Variants in NRG1 observed in about 807,000 individuals in gnomAD.
NRG1 encodes neuregulin 1.
NRG1 carries 18 observed loss-of-function variants against 63.8 expected under a neutral mutation model. That is an observed-to-expected ratio of 0.28 (90% confidence interval 0.19 to 0.42). The LOEUF is 0.42. NRG1 is among the 10% of genes least tolerant of loss of function. NRG1 has a pLI of 1.00. For missense variants in NRG1, 762 were observed against 814.7 expected, an observed-to-expected ratio of 0.94 and a Z score of 0.79; for synonymous variants, 302 against 301.3, an observed-to-expected ratio of 1.00 and a Z score of -0.02.
intron 1 of NRG1, among the ~76,000 whole-genome samples, chr8:31,819,577 A>G (rs1030521200): frequency 6.6e-6 from 1 of 152,176 alleles, no homozygotes; most frequent in African/African-American, 2.4e-5. Flanking sequence ...CCCCCTACAC[A>G]GTTGTTAGGT....
At chr8:32,585,180 A>G (rs1563707386) in intron 1 of NRG1, among the ~76,000 whole-genome samples, 1 of 151,362 alleles carries the variant, frequency 6.6e-6, no homozygotes, top group East Asian at 1.9e-4. Flanking sequence ...GGAAGTGAAT[A>G]TGGCTGGTAT....
chr8:32,470,305 A>C (rs191032428), intron 1 of NRG1, among the ~76,000 whole-genome samples: 2,980 of 150,470 alleles, frequency 0.02, 36 homozygotes, highest in Middle Eastern at 0.042. Context: ...CTCAGCCTCC[A>C]GAGTAGCTGG....
At chr8:32,692,113 G>A (rs1811894993) in intron 5 of NRG1, among the ~76,000 whole-genome samples, 1 of 152,048 alleles carries the variant, frequency 6.6e-6, no homozygotes, top group Non-Finnish European at 1.5e-5. Flanking sequence ...ATAATGACTT[G>A]AAGTATTTTC....
chr8:32,590,546 A>C (rs879661003), intron 1 of NRG1, among the ~76,000 whole-genome samples: 3 of 152,172 alleles, frequency 2.0e-5, no homozygotes, highest in Non-Finnish European at 4.4e-5. Context: ...ATTTTTTTGC[A>C]CTTTTAAAAT....
intron 1 of NRG1, among the ~76,000 whole-genome samples, chr8:32,327,026 A>G (rs762991495): frequency 1.3e-5 from 2 of 152,230 alleles, no homozygotes; most frequent in Non-Finnish European, 2.9e-5. Flanking sequence ...AGTCAATGGA[A>G]TAAAATAATG....
intron 1 of NRG1, among the ~76,000 whole-genome samples, chr8:32,084,090 C>A (rs1827883256): frequency 6.6e-6 from 1 of 152,036 alleles, no homozygotes; most frequent in South Asian, 2.1e-4. Flanking sequence ...AAATTAAGAC[C>A]AATGTGAAGC....
rs1813307418 is a variant in NRG1, at chr8:31,725,231, A to G, written c.37+85800A>G. On this transcript the variant is annotated intron_variant, in intron 1 of 10. Transcript: ENST00000519301. ...CAGTTCCAAGTATAAAGGGATTAGG[A>G]TATGATGCTGATGTTGGGATTGCAT... Among the ~76,000 whole-genome samples the G allele has an allele frequency of 1.3e-5, 2 of 152,196 alleles. 1 individual carries two copies. Among genetic ancestry groups the G allele is most frequent in the South Asian group, 4.1e-4 (2 of 4,832 alleles).
At chr8:32,505,976 G>A (rs12547554) in intron 1 of NRG1, among the ~76,000 whole-genome samples, 25,908 of 152,084 alleles carry the variant, frequency 0.17, 2,584 homozygotes, top group Admixed American at 0.31. Flanking sequence ...GAGGTGAGGC[G>A]TGGTGGCTCA....
chr8:31,833,805 G>A lies in NRG1; in HGVS notation c.37+194374G>A, dbSNP rs112138700. Among the ~76,000 whole-genome samples the A allele has an allele frequency of 7.3e-3, 1,118 of 152,180 alleles. 4 individuals are homozygous for A. Among genetic ancestry groups the A allele is most frequent in the Non-Finnish European group, 0.013 (864 of 68,006 alleles). On this transcript the variant is annotated intron_variant, in intron 1 of 10. Coordinates refer to the NRG1 transcript ENST00000519301. ...ATACAATTTGTGATAAAATCATCTT[G>A]CTCATTCCATAGCAGGTATAAGTGG...
At chr8:31,645,017 A>G (rs1021439185) in intron 1 of NRG1, among the ~76,000 whole-genome samples, 3 of 152,206 alleles carry the variant, frequency 2.0e-5, no homozygotes, top group Non-Finnish European at 2.9e-5. Context: ...AACATGGCTT[A>G]GTGAAAGTCT....
intron 1 of NRG1, among the ~76,000 whole-genome samples, chr8:32,155,114 GC>G (rs1383967370): frequency 6.6e-6 from 1 of 152,012 alleles, no homozygotes; most frequent in Admixed American, 6.6e-5. Flanking sequence ...ACTGGGAGAG[GC>G]CAAATCACTA....
At chr8:32,276,047 C>T (rs1852065147) in intron 1 of NRG1, among the ~76,000 whole-genome samples, 1 of 152,134 alleles carries the variant, frequency 6.6e-6, no homozygotes, top group South Asian at 2.1e-4. Context: ...ATGTTGTGAA[C>T]ATTCAAAATC....
At chr8:32,287,501 A>T (rs1853671145) in intron 1 of NRG1, 1 of 152,222 alleles carries the variant, frequency 6.6e-6, no homozygotes, top group Non-Finnish European at 1.5e-5. Context: ...AAACTCAGTC[A>T]TCTTTCATGT....
intron 1 of NRG1, among the ~76,000 whole-genome samples, chr8:31,886,608 G>T (rs1371818232): frequency 6.6e-6 from 1 of 152,020 alleles, no homozygotes; most frequent in Non-Finnish European, 1.5e-5. Context: ...AAATAAATTA[G>T]TATCTTTTTA....
chr8:32,598,495 C>T lies in NRG1; in HGVS notation c.278+2490C>T, dbSNP rs115896881. Among the ~76,000 whole-genome samples, 1,105 of 152,212 alleles carry T rather than the reference C, an allele frequency of 7.3e-3. 17 individuals are homozygous for T. The highest frequency in any genetic ancestry group is 0.025 in the African/African-American group (1,043 of 41,558). ...TCATTAGTATTCAGAAAAGCATTTT[C>T]ATATTGGCTTCATAGGTCCAGACAG... is the stretch of plus-strand genomic sequence containing the variant. On this transcript the variant is annotated intron_variant, in intron 2 of 11. Transcript: ENST00000356819.
chr8:32,443,003 C>T (rs1018297648), intron 1 of NRG1, among the ~76,000 whole-genome samples: 2 of 151,780 alleles, frequency 1.3e-5, no homozygotes, highest in African/African-American at 4.8e-5. Flanking sequence ...GATTATAACT[C>T]ATTGCATTGC....
intron 1 of NRG1, 70 bp from the exon 2 acceptor site, chr8:32,595,758 G>A: frequency 6.9e-7 from 1 of 1,453,830 alleles, no homozygotes; most frequent in Non-Finnish European, 9.3e-7. Context: ...GCTAACTCCA[G>A]ATTAAATGTT....
chr8:31,781,616 A>C (rs1819694228), intron 1 of NRG1, among the ~76,000 whole-genome samples: 1 of 152,328 alleles, frequency 6.6e-6, no homozygotes, highest in East Asian at 1.9e-4. Context: ...TGTTCAGAGA[A>C]GATGGCTAGA....
intron 1 of NRG1, among the ~76,000 whole-genome samples, chr8:32,027,214 G>A (rs774754186): frequency 6.6e-6 from 1 of 152,012 alleles, no homozygotes; most frequent in Non-Finnish European, 1.5e-5. Context: ...GGGTTGAGTA[G>A]TATTTTTATG....
Sources: gnomAD v4.1 joint callset for allele counts (sites outside exome capture counted in the v4.1 genomes callset) on GRCh38, gnomAD v4.1.1 for gene constraint, MANE v1.5 for transcripts, NCBI Gene and HGNC (gene_info 2026-07-23, HGNC 2026-07-21) for gene names.